The following RMP24 variants were observed in gnomAD, a reference collection of about 807,000 sequenced individuals.
RMP24 encodes the protein ribonuclease MRP subunit p24, also known as ribonuclease MRP protein subunit p24.
At chr18:35,978,039 T>A in the RMP24 span, among the ~76,000 whole-genome samples, 1 of 152,212 alleles carries the variant, frequency 6.6e-6, no homozygotes, top group African/African-American at 2.4e-5. Flanking sequence ...ATATCCTACT[T>A]CCCTGTTTTC....
the RMP24 span, chr18:35,979,242 A>G: frequency 3.1e-6 from 1 of 318,192 alleles, no homozygotes; most frequent in Non-Finnish European, 5.8e-6. Context: ...CTATAGATAT[A>G]TATGTGTATG....
At chr18:35,978,738 C>T in the RMP24 span, 12 of 1,060,344 alleles carry the variant, frequency 1.1e-5, no homozygotes, top group African/African-American at 3.3e-5. Context: ...GATAATACAC[C>T]GAGGATAGCC....
chr18:35,974,127 T>C, the RMP24 span, among the ~76,000 whole-genome samples: 1 of 152,228 alleles, frequency 6.6e-6, no homozygotes. Context: ...GCCTCACATA[T>C]CTGCTTTCAT....
chr18:35,978,762 G>T, the RMP24 span: 432 of 1,358,342 alleles, frequency 3.2e-4, 1 homozygote, highest in Middle Eastern at 2.7e-3. Flanking sequence ...GCATGTATAT[G>T]GCCATAATAC....
the RMP24 span, among the ~76,000 whole-genome samples, chr18:35,978,029 A>G: frequency 3.3e-5 from 5 of 152,174 alleles, no homozygotes; most frequent in Admixed American, 2.6e-4. Context: ...CGATTTCTAT[A>G]TATCCTACTT....
chr18:35,975,814 T>A, the RMP24 span, among the ~76,000 whole-genome samples: 8 of 152,218 alleles, frequency 5.3e-5, no homozygotes, highest in Admixed American at 5.2e-4. Context: ...AATTAGCAAT[T>A]ACTTGGATTG....
the RMP24 span, chr18:35,975,047 T>TAA: frequency 6.2e-7 from 1 of 1,614,000 alleles, no homozygotes; most frequent in Non-Finnish European, 8.5e-7. Flanking sequence ...CACTCAGTTT[T>TAA]AAAGAAGCAA....
At chr18:35,977,079 G>A in the RMP24 span, among the ~76,000 whole-genome samples, 35 of 152,078 alleles carry the variant, frequency 2.3e-4, no homozygotes, top group African/African-American at 8.2e-4. Context: ...TACAGAATTA[G>A]CCAGGCACAG....
At chr18:35,975,884 A>G in the RMP24 span, among the ~76,000 whole-genome samples, 1 of 152,234 alleles carries the variant, frequency 6.6e-6, no homozygotes, top group African/African-American at 2.4e-5. Context: ...TTGCTTTGTC[A>G]TAAAATTGAA....
At chr18:35,974,857 T>A in the RMP24 span, 2 of 1,559,470 alleles carry the variant, frequency 1.3e-6, no homozygotes, top group South Asian at 1.2e-5. Context: ...CAAAATATTC[T>A]GATTTGCTGA....
At chr18:35,974,601 G>A in the RMP24 span, among the ~76,000 whole-genome samples, 2 of 152,210 alleles carry the variant, frequency 1.3e-5, no homozygotes, top group African/African-American at 4.8e-5. Flanking sequence ...TTAAAACTTA[G>A]TAGCAAGTAA....
the RMP24 span, among the ~76,000 whole-genome samples, chr18:35,976,600 G>T: frequency 6.6e-6 from 1 of 152,280 alleles, no homozygotes; most frequent in East Asian, 1.9e-4. Context: ...GGAGAGGTGT[G>T]AGAGTATAAC....
At chr18:35,972,975 G>C in the RMP24 span, 1 of 1,591,882 alleles carries the variant, frequency 6.3e-7, no homozygotes. Context: ...TCCGCACAAC[G>C]CTCAAATAAG....
At chr18:35,979,227 C>G in the RMP24 span, 2 of 386,894 alleles carry the variant, frequency 5.2e-6, no homozygotes, top group Non-Finnish European at 9.3e-6. Flanking sequence ...CTTGTAGATA[C>G]ATATCTATAG....
the RMP24 span, chr18:35,977,689 A>G: frequency 7.3e-7 from 1 of 1,373,566 alleles, no homozygotes; most frequent in Non-Finnish European, 9.8e-7. Flanking sequence ...TAAATATGCC[A>G]TGCATTTCAG....
the RMP24 span, chr18:35,975,096 G>A: frequency 1.1e-5 from 17 of 1,610,702 alleles, no homozygotes; most frequent in Non-Finnish European, 1.4e-5. Flanking sequence ...AAGTGTATTG[G>A]TAAGATTTCA....
the RMP24 span, chr18:35,979,159 C>A: frequency 4.4e-6 from 3 of 688,856 alleles, no homozygotes; most frequent in Non-Finnish European, 2.3e-6. Context: ...AGTGTGAATA[C>A]CTGAAACCTG....
At chr18:35,976,203 G>A in the RMP24 span, among the ~76,000 whole-genome samples, 2 of 130,932 alleles carry the variant, frequency 1.5e-5, no homozygotes, top group Middle Eastern at 4.6e-3. Context: ...AGGCTGGAGT[G>A]TAGTGGCGTG....
At chr18:35,977,100 C>G in the RMP24 span, among the ~76,000 whole-genome samples, 1 of 151,996 alleles carries the variant, frequency 6.6e-6, no homozygotes, top group Non-Finnish European at 1.5e-5. Flanking sequence ...TGGAAGGCGC[C>G]TGGTCTCAGC....
Sources: gnomAD v4.1 joint callset for allele counts (sites outside exome capture counted in the v4.1 genomes callset) on GRCh38, gnomAD v4.1.1 for gene constraint, MANE v1.5 for transcripts, NCBI Gene and HGNC (gene_info 2026-07-23, HGNC 2026-07-21) for gene names.